POLH: variants seen among roughly 807,000 people sequenced by gnomAD.
POLH encodes DNA polymerase eta, also known as DNA polymerase eta transcript.
Under a neutral mutation model 73.6 loss-of-function variants are expected in POLH, and 53 were observed. The ratio of observed to expected loss-of-function variants is 0.72; its 90% CI spans 0.58 to 0.91. The LOEUF (loss-of-function observed/expected upper bound fraction) is 0.91. POLH is among the 40% of genes least tolerant of loss of function. POLH has a pLI of 0.00. For missense variants in POLH, 768 were observed against 865.4 expected (o/e 0.89, Z 1.41); for synonymous variants, 292 against 308.5 (o/e 0.95, Z 0.56).
intron 1 of POLH, among the ~76,000 whole-genome samples, chr6:43,581,838 C>G (rs1026487227): frequency 2.6e-5 from 4 of 151,188 alleles, no homozygotes; most frequent in African/African-American, 9.7e-5. Context: ...GACGGGCTCC[C>G]TAAGCCACCG....
intron 4 of POLH, among the ~76,000 whole-genome samples, chr6:43,594,177 A>G (rs550401421): frequency 2.9e-3 from 438 of 152,306 alleles, no homozygotes; most frequent in African/African-American, 0.01. Flanking sequence ...CAATGATGAA[A>G]AAAATCTAAA....
rs1259855248 is a variant in POLH, at chr6:43,617,658, A to T, written c.*3101A>T. ...AAAATTCCCAATGTGGGCCGGGTGC[A>T]GTGGCTCATGCCTGTAATCCCAGCA... On this transcript the variant is annotated 3_prime_UTR_variant, in exon 11 of 11. Coordinates refer to ENST00000372236, the MANE Select transcript of POLH (RefSeq NM_006502.3). Among the ~76,000 whole-genome samples, 2 of 149,566 alleles carry T rather than the reference A, an allele frequency of 1.3e-5. No homozygotes were observed. The highest frequency in any genetic ancestry group is 3.0e-5 in the Non-Finnish European group (2 of 67,362).
At chr6:43,580,881 C>G (rs1419571508) in intron 1 of POLH, among the ~76,000 whole-genome samples, 4 of 144,000 alleles carry the variant, frequency 2.8e-5, no homozygotes, top group African/African-American at 7.7e-5. Context: ...GGCGGCTGGC[C>G]GGGCGGAGGG....
Position 43,587,422 on chromosome 6 carries a change from G to A in POLH, c.423G>A (p.Leu141=). 6.2e-7 allele frequency: 1 copy of A among 1,614,216 alleles called. No individual in the cohort carries two copies. Among genetic ancestry groups the A allele is most frequent in the Non-Finnish European group, 8.5e-7 (1 of 1,180,028 alleles). The change falls in exon 4 of 11, where the codon TTG becomes TTA. Residue 141 remains leucine, a synonymous_variant. Coordinates refer to ENST00000372236, the MANE Select transcript of POLH (RefSeq NM_006502.3). ...AAGGTCAGCCTATCTCGGCAGACTT[G>A]TTGCCAAGCACTTACATTGAAGGGT... ...KLQGQPISAD[L]LPSTYIEGLP...
At position 43,613,888 on chromosome 6, in the gene POLH, G is replaced by A. The variant is rs142864589; in HGVS notation, c.1473G>A (p.Gln491=). 3.4e-5 allele frequency: 55 copies of A among 1,614,156 alleles called. No individual in the cohort carries two copies. The African/African-American group carries it at 6.0e-4, about 18-fold the overall frequency. ...TCTTCCAAAAAGCTGCAGAAAGGCA[G>A]AAAGTTAAAGAAGCTTCGCTTTCAT... The part of the protein sequence containing the change: ...ESFFQKAAER[Q]KVKEASLSSL... The change falls in exon 11 of 11, where the codon CAG becomes CAA. Residue 491 remains glutamine (Q), a synonymous_variant. Coordinates refer to ENST00000372236, the MANE Select transcript of POLH (RefSeq NM_006502.3).
intron 1 of POLH, among the ~76,000 whole-genome samples, chr6:43,579,029 C>A (rs1763714124): frequency 6.6e-6 from 1 of 152,218 alleles, no homozygotes; most frequent in South Asian, 2.1e-4. Flanking sequence ...CTTATGCCAG[C>A]AGTACAGGTT....
chr6:43,614,100 C>T lies in POLH; in HGVS notation c.1685C>T (p.Ala562Val). 1 of 1,614,094 alleles carries T rather than the reference C, an allele frequency of 6.2e-7. No individual in the cohort carries two copies. The highest frequency in any genetic ancestry group is 8.5e-7 in the Non-Finnish European group (1 of 1,179,914). Residue 562 changes from alanine (A) to valine (V), a missense_variant, in exon 11 of 11, where the codon GCA becomes GTA. By Grantham distance (64) the Ala-to-Val change is moderately conservative. Transcript: ENST00000372236. ...PQQNPWSNCKALPNSLPTEYP... is the reference protein window; with the variant it reads ...PQQNPWSNCKVLPNSLPTEYP... ...CAAAACCCATGGTCCAACTGTAAAG[C>T]ATTACCAAACTCTTTACCAACAGAG...
intron 6 of POLH, 63 bp from the exon 7 acceptor site, chr6:43,603,829 C>A (rs1321035551): frequency 1.3e-6 from 2 of 1,548,800 alleles, no homozygotes; most frequent in East Asian, 2.3e-5. Context: ...GAATGTCTTA[C>A]GTTTGCTGCT....
chr6:43,576,879 G>A (rs968367453), intron 1 of POLH, among the ~76,000 whole-genome samples: 2 of 152,202 alleles, frequency 1.3e-5, no homozygotes, highest in African/African-American at 2.4e-5. Context: ...CTCTTGGCCG[G>A]GCGCGGTGGC....
Position 43,582,327 on chromosome 6 carries a change from C to T in POLH, c.8C>T (p.Thr3Ile). The change falls in exon 2 of 11, where the codon ACT (threonine) becomes ATT (isoleucine). Residue 3 changes from threonine (T) to isoleucine (I), a missense_variant. By Grantham distance (89) the Thr-to-Ile change is moderately conservative. Coordinates refer to ENST00000372236, the MANE Select transcript of POLH (RefSeq NM_006502.3). ...ATGTTGTGTTACAGAAAAATGGCTA[C>T]TGGACAGGATCGAGTGGTTGCTCTC... Reference protein sequence around the residue: MATGQDRVVALVD... With the variant: MAIGQDRVVALVD... The T allele has an allele frequency of 6.2e-7, 1 of 1,614,120 alleles. No homozygotes were observed.
At chr6:43,580,721 AC>A (rs1285153635) in intron 1 of POLH, among the ~76,000 whole-genome samples, 1 of 51,020 alleles carries the variant, frequency 2.0e-5, no homozygotes, top group Non-Finnish European at 4.0e-5. Context: ...GGGGGCCGAC[AC>A]CCCCACCTCC....
At chr6:43,607,883 A>G (rs145989405) in intron 9 of POLH, among the ~76,000 whole-genome samples, 1 of 152,062 alleles carries the variant, frequency 6.6e-6, no homozygotes, top group African/African-American at 2.4e-5. Flanking sequence ...TGGTGGCTCA[A>G]ATTTTTGGAG....
In POLH at chr6:43,601,001, T is replaced by G; in HGVS notation, c.674T>G (p.Leu225Arg). 6.2e-7 allele frequency: 1 copy of G among 1,613,924 alleles called. No individual in the cohort carries two copies. The highest frequency in any genetic ancestry group is 8.5e-7 in the Non-Finnish European group (1 of 1,179,760). Residue 225 changes from leucine to arginine, a missense_variant, in exon 6 of 11, where the codon CTG becomes CGG. Transcript: ENST00000372236. ...GISHNKVLAK[L>R]ACGLNKPNRQ... ...GCATGCTTCCAGGTCCTGGCAAAAC[T>G]GGCCTGTGGACTAAACAAGCCCAAC...
Position 43,613,912 on chromosome 6 carries a change from ATC to A in POLH, c.1501_1502del (p.Leu501TyrfsTer28). The A allele has an allele frequency of 6.2e-7, 1 of 1,614,122 alleles. No individual in the cohort carries two copies. The highest frequency in any genetic ancestry group is 8.5e-7 in the Non-Finnish European group (1 of 1,180,050). ...AGAAAGTTAAAGAAGCTTCGCTTTC[ATC>A]TCTTACTGCTCCCACTCAGGCTCCC... Reference protein sequence around the residue: ...RQKVKEASLSSLTAPTQAPMS... With the variant: ...RQKVKEASLSXLTAPTQAPMS... On this transcript the variant is annotated frameshift_variant, in exon 11 of 11. Transcript: ENST00000372236. LOFTEE classifies it high-confidence loss of function.
chr6:43,584,053 G>A (rs1462821988), intron 3 of POLH, among the ~76,000 whole-genome samples: 1 of 152,202 alleles, frequency 6.6e-6, no homozygotes, highest in Non-Finnish European at 1.5e-5. Flanking sequence ...TGAGTTGAGA[G>A]GATTGCTTGA....
intron 4 of POLH, among the ~76,000 whole-genome samples, chr6:43,587,768 C>G (rs1764990244): frequency 6.6e-6 from 1 of 152,224 alleles, no homozygotes; most frequent in South Asian, 2.1e-4. Context: ...GTGATTCACG[C>G]TTCTAATCCC....
intron 1 of POLH, among the ~76,000 whole-genome samples, chr6:43,579,835 G>A (rs780628417): frequency 6.6e-6 from 1 of 152,168 alleles, no homozygotes; most frequent in Non-Finnish European, 1.5e-5. Context: ...TGTTGGTGGG[G>A]AGAAATCCTC....
At position 43,576,457 on chromosome 6, in the gene POLH, C is replaced by T. The variant is rs536166535; in HGVS notation, c.-5+17C>T. The T allele has an allele frequency of 1.3e-5, 2 of 152,348 alleles. No individual in the cohort carries two copies. Among genetic ancestry groups the T allele is most frequent in the Admixed American group, 6.5e-5 (1 of 15,300 alleles). 9.4% of individuals were successfully genotyped at this position (152,348 alleles called of 1,614,324 possible). A position where few individuals can be genotyped will look rare whatever the true frequency, so the allele number is the denominator to read the frequency against. Reference sequence around the variant, plus strand: ...GTTACCTTGGTAAGAAAATTTAGAACCGTTCGCTGTCACTGTGTTCAGACT... The same window carrying T: ...GTTACCTTGGTAAGAAAATTTAGAATCGTTCGCTGTCACTGTGTTCAGACT... On this transcript the variant is annotated intron_variant, in intron 1 of 10. Coordinates refer to ENST00000372236, the MANE Select transcript of POLH (RefSeq NM_006502.3).
In POLH at chr6:43,615,776, A is replaced by T. The variant is rs886061447; in HGVS notation, c.*1219A>T. ...CAACCTCCGTCTCCTGGGTTCAAGC[A>T]ATTCTCCTGCCTCAGCCTCCCAAGT... is the stretch of plus-strand genomic sequence containing the variant. On this transcript the variant is annotated 3_prime_UTR_variant, in exon 11 of 11. Transcript: ENST00000372236. 1.3e-5 allele frequency: 2 copies of T among 151,636 alleles called. No homozygotes were observed. Among genetic ancestry groups the T allele is most frequent in the Non-Finnish European group, 2.9e-5 (2 of 67,964 alleles). 9.4% of individuals were successfully genotyped at this position (151,636 alleles called of 1,614,324 possible).
Sources: allele counts gnomAD v4.1 joint callset (sites outside exome capture counted in the v4.1 genomes callset), GRCh38; gene constraint gnomAD v4.1.1; transcripts MANE v1.5; gene names NCBI Gene and HGNC (gene_info 2026-07-23, HGNC 2026-07-21).